Variants in ERMP1 observed in about 807,000 individuals in gnomAD.
The protein encoded by ERMP1 is endoplasmic reticulum metallopeptidase 1, also known as Felix-ina.
A neutral mutation model predicts 92.0 loss-of-function variants in ERMP1; 86 were observed. The observed-to-expected ratio is 0.93, with a 90% CI of 0.79 to 1.12. The LOEUF is 1.12. ERMP1 is among the 50% of genes most tolerant of loss of function. The pLI is 0.00. For synonymous variants in ERMP1, 530 were observed against 412.8 expected, an observed-to-expected ratio of 1.28 and a Z score of -3.44; for missense variants, 1,342 against 1,116.3, an observed-to-expected ratio of 1.20 and a Z score of -2.88.
intron 6 of ERMP1, among the ~76,000 whole-genome samples, chr9:5,838,307 C>T (rs868857026): frequency 2.6e-5 from 4 of 151,774 alleles, no homozygotes; most frequent in Admixed American, 6.6e-5. Context: ...TTCGGAAGGT[C>T]GAGGGGGGTG....
chr9:5,801,384 GGT>G, intron 10 of ERMP1, 56 bp from the exon 11 acceptor site: 1 of 1,548,644 alleles, frequency 6.5e-7, no homozygotes, highest in South Asian at 1.2e-5. Flanking sequence ...GTGGTGGAAA[GGT>G]GTTTTTAACT....
rs1827997311 is a variant in ERMP1 at position 5,787,582 on chromosome 9, T to C, written c.2398A>G (p.Met800Val). 1.2e-6 allele frequency: 2 copies of C among 1,612,096 alleles called. No individual in the cohort carries two copies. Among genetic ancestry groups the C allele is most frequent in the South Asian group, 2.2e-5 (2 of 90,924 alleles). Residue 800 changes from methionine (M) to valine (V), a missense_variant, in exon 14 of 15, where the codon ATG becomes GTG. Physicochemically the swap from Met to Val is conservative, Grantham distance 21. Transcript: ENST00000339450. Reference sequence around the variant, plus strand: ...TTGTGGGCTCGAACATAGAAGGACATATGGCTTGGTCCTGTAAGGTAAAAG... The same window carrying C: ...TTGTGGGCTCGAACATAGAAGGACACATGGCTTGGTCCTGTAAGGTAAAAG... ...LTFEATGPSH[M>V]SFYVRAHKGS...
rs534915377 is a variant in ERMP1, at chr9:5,786,264, C to A, written c.*880G>T. The A allele has an allele frequency of 6.6e-6, 1 of 152,364 alleles. No individual in the cohort carries two copies. The allele number at this position is 152,364 out of a possible 1,614,324, so 9.4% of individuals were successfully genotyped here. ...AAATATTTATAAAATTCCCACCACTCCCAGCCTTCCTTCTACCCCAGAATA... is the reference window on the plus strand; with the variant it reads ...AAATATTTATAAAATTCCCACCACTACCAGCCTTCCTTCTACCCCAGAATA... On this transcript the variant is annotated 3_prime_UTR_variant, in exon 15 of 15. Transcript: ENST00000339450.
Position 5,812,926 on chromosome 9 carries a change from A to G in ERMP1, c.984T>C (p.Thr328=), listed in dbSNP as rs1829156524. 2 of 1,614,032 alleles carry G rather than the reference A, an allele frequency of 1.2e-6. No individual in the cohort carries two copies. The highest frequency in any genetic ancestry group is 1.7e-6 in the Non-Finnish European group (2 of 1,179,880). The change falls in exon 5 of 15, where the codon ACT becomes ACC. Residue 328 remains threonine (T), a synonymous_variant. Transcript: ENST00000339450. ...CAAAATCCCTGTAGATACGAAAGTC[A>G]GTATCTGAAGGAATGATTCCACTCT... ...VFQSGIIPSD[T]DFRIYRDFGN... is the part of the protein sequence containing the mutation.
upstream of ERMP1, chr9:5,833,162 G>A (rs940434012): frequency 2.5e-6 from 2 of 794,858 alleles, no homozygotes; most frequent in Non-Finnish European, 3.6e-6. Context: ...CTTCTGATTG[G>A]CCCGTCCCGC....
intron 2 of ERMP1, among the ~76,000 whole-genome samples, chr9:5,828,322 AGGTAC>A (rs1301751456): frequency 6.6e-6 from 1 of 152,206 alleles, no homozygotes; most frequent in Non-Finnish European, 1.5e-5. Flanking sequence ...ACTGAGAAGC[AGGTAC>A]TATACAAAAA....
intron 5 of ERMP1, among the ~76,000 whole-genome samples, chr9:5,866,543 C>T (rs956682379): frequency 6.6e-6 from 1 of 152,124 alleles, no homozygotes; most frequent in African/African-American, 2.4e-5. Context: ...CACAGATTAT[C>T]TCACCTCCCT....
intron 2 of ERMP1, among the ~76,000 whole-genome samples, chr9:5,830,298 C>T (rs1829890268): frequency 6.6e-6 from 1 of 152,290 alleles, no homozygotes; most frequent in East Asian, 1.9e-4. Context: ...TTGGACACCC[C>T]TGCTCTAAAA....
chr9:5,835,815 G>C (rs187243537), upstream of ERMP1, among the ~76,000 whole-genome samples: 1 of 152,280 alleles, frequency 6.6e-6, no homozygotes, highest in Admixed American at 6.5e-5. Context: ...AGAACATATA[G>C]GCTTATAAAA....
intron 4 of ERMP1, among the ~76,000 whole-genome samples, chr9:5,818,657 G>A (rs1347082912): frequency 6.6e-6 from 1 of 151,416 alleles, no homozygotes. Flanking sequence ...GGAAACCAGT[G>A]AGCCATGACT....
At chr9:5,860,538 A>T (rs1830455113) in intron 5 of ERMP1, among the ~76,000 whole-genome samples, 1 of 152,164 alleles carries the variant, frequency 6.6e-6, no homozygotes, top group South Asian at 2.1e-4. Flanking sequence ...AACCAATGGC[A>T]AGTGACATAC....
At position 5,795,247 on chromosome 9, in the gene ERMP1, G is replaced by C. The variant is rs757785477; in HGVS notation, c.2386+2570C>G. On this transcript the variant is annotated intron_variant, in intron 13 of 14. Transcript: ENST00000339450. ...GCTAGGAATAGAGGGAACTTCCTCAGTCTCATAAAAAACATCTACCAAAAA... is the reference window on the plus strand; with the variant it reads ...GCTAGGAATAGAGGGAACTTCCTCACTCTCATAAAAAACATCTACCAAAAA... Among the ~76,000 whole-genome samples the C allele has an allele frequency of 1.4e-4, 22 of 152,248 alleles. 1 individual carries two copies. Among genetic ancestry groups the C allele is most frequent in the Non-Finnish European group, 2.6e-4 (18 of 68,018 alleles).
chr9:5,850,117 C>A (rs372735500), intron 6 of ERMP1, among the ~76,000 whole-genome samples: 4 of 152,128 alleles, frequency 2.6e-5, no homozygotes, highest in South Asian at 2.1e-4. Context: ...AGGTCTCCCC[C>A]CCTTTACACT....
At chr9:5,842,478 A>G (rs1033592884) in intron 6 of ERMP1, among the ~76,000 whole-genome samples, 2 of 152,078 alleles carry the variant, frequency 1.3e-5, no homozygotes, top group Non-Finnish European at 2.9e-5. Context: ...AAAAAAAGAA[A>G]ATGTTTTGGA....
intron 4 of ERMP1, among the ~76,000 whole-genome samples, chr9:5,818,116 C>T (rs1829390665): frequency 6.7e-6 from 1 of 149,930 alleles, no homozygotes; most frequent in Non-Finnish European, 1.5e-5. Flanking sequence ...GCCATGATTG[C>T]ATCACTGCAT....
chr9:5,851,101 C>A (rs1168366652), intron 6 of ERMP1, among the ~76,000 whole-genome samples: 1 of 152,148 alleles, frequency 6.6e-6, no homozygotes, highest in Non-Finnish European at 1.5e-5. Context: ...CTTTTAGGCC[C>A]AACATCTCTA....
intron 6 of ERMP1, among the ~76,000 whole-genome samples, chr9:5,842,800 T>G (rs1427876950): frequency 2.0e-5 from 3 of 152,346 alleles, no homozygotes; most frequent in African/African-American, 7.2e-5. Flanking sequence ...AAATCAGGAT[T>G]TCTGATCTCC....
At chr9:5,835,372 G>A (rs1304609579), upstream of ERMP1, among the ~76,000 whole-genome samples, 1 of 152,236 alleles carries the variant, frequency 6.6e-6, no homozygotes, top group African/African-American at 2.4e-5. Flanking sequence ...ATGTGTGTGT[G>A]TGTATAAAAT....
chr9:5,791,563 C>A (rs762282810), intron 13 of ERMP1, among the ~76,000 whole-genome samples: 4 of 152,084 alleles, frequency 2.6e-5, no homozygotes, highest in Non-Finnish European at 5.9e-5. Context: ...TCATACTTCC[C>A]AAAAAGACAT....
Sources: allele counts gnomAD v4.1 joint callset (sites outside exome capture counted in the v4.1 genomes callset), GRCh38; gene constraint gnomAD v4.1.1; transcripts MANE v1.5; gene names NCBI Gene and HGNC (gene_info 2026-07-23, HGNC 2026-07-21).